Variants in PTPRM observed in about 807,000 individuals in gnomAD.
PTPRM encodes the protein protein tyrosine phosphatase receptor type M.
A neutral mutation model predicts 186.7 loss-of-function variants in PTPRM; 47 were observed. The observed-to-expected ratio is 0.25, with a 90% CI of 0.20 to 0.32. The LOEUF (loss-of-function observed/expected upper bound fraction) is 0.32, where lower values mean the gene tolerates loss of function less well. Among genes scored for constraint, PTPRM ranks in the 10% least tolerant of loss-of-function variants. The pLI, the probability that PTPRM is intolerant of heterozygous loss-of-function variation, is 1.00. For missense variants in PTPRM, 1,494 were observed against 1,865.0 expected, an observed-to-expected ratio of 0.80 and a Z score of 3.66; for synonymous variants, 668 against 674.9, an observed-to-expected ratio of 0.99 and a Z score of 0.16.
intron 6 of PTPRM, among the ~76,000 whole-genome samples, chr18:7,950,962 T>C (rs75032016): frequency 6.6e-6 from 1 of 152,148 alleles, no homozygotes; most frequent in African/African-American, 2.4e-5. Context: ...ACACGTAGCT[T>C]ATGGGGGACA....
chr18:8,084,579 C>G lies in PTPRM; in HGVS notation c.1552-1092C>G, dbSNP rs1196157550. ...AGAGAGGTCTTCCTAATTGTAATGA[C>G]ATGGTATAAATATAAGAAGAAAGAA... On this transcript the variant is annotated intron_variant, in intron 9 of 32. Transcript: ENST00000580170. Among the ~76,000 whole-genome samples, 7 of 152,250 alleles carry G rather than the reference C, an allele frequency of 4.6e-5. No individual in the cohort carries two copies. The East Asian group carries it at 1.2e-3, about 25-fold the overall frequency.
chr18:7,695,332 A>G (rs777203274), intron 1 of PTPRM, among the ~76,000 whole-genome samples: 4 of 152,178 alleles, frequency 2.6e-5, no homozygotes, highest in African/African-American at 9.7e-5. Context: ...CATGAACACA[A>G]TGCAGCGTAT....
chr18:7,846,290 T>C (rs2046592065), intron 2 of PTPRM, among the ~76,000 whole-genome samples: 1 of 152,174 alleles, frequency 6.6e-6, no homozygotes, highest in Admixed American at 6.5e-5. Context: ...CATACAGCAG[T>C]GGTGTTTTTG....
chr18:7,796,183 G>A lies in PTPRM; in HGVS notation c.196+21912G>A, dbSNP rs542002929. ...ATTTAACAGATGTGATTAGTAACAAGCAGATGATGTAAATACACATTAACG... is the reference window on the plus strand; with the variant it reads ...ATTTAACAGATGTGATTAGTAACAAACAGATGATGTAAATACACATTAACG... On this transcript the variant is annotated intron_variant, in intron 2 of 32. Coordinates refer to ENST00000580170, the MANE Select transcript of PTPRM (RefSeq NM_001105244.2). 5.9e-5 allele frequency among the ~76,000 whole-genome samples: 9 copies of A among 151,906 alleles called. No homozygotes were observed. The South Asian group carries it at 1.2e-3, about 21-fold the overall frequency.
intron 13 of PTPRM, among the ~76,000 whole-genome samples, chr18:8,139,310 C>T (rs1354711044): frequency 6.6e-6 from 1 of 152,164 alleles, no homozygotes; most frequent in Non-Finnish European, 1.5e-5. Flanking sequence ...AAACTGATGG[C>T]TGGACTGTCA....
chr18:7,790,946 CA>C (rs2043312859), intron 2 of PTPRM, among the ~76,000 whole-genome samples: 1 of 151,492 alleles, frequency 6.6e-6, no homozygotes, highest in Non-Finnish European at 1.5e-5. Flanking sequence ...ACTCACCAAA[CA>C]TGAATCAATA....
intron 1 of PTPRM, among the ~76,000 whole-genome samples, chr18:7,626,498 C>A (rs1385059879): frequency 6.6e-6 from 1 of 152,082 alleles, no homozygotes; most frequent in African/African-American, 2.4e-5. Context: ...ACCTGAAGAA[C>A]CTGTATGGAG....
At chr18:8,023,831 GACACACACAC>G (rs71354587) in intron 7 of PTPRM, among the ~76,000 whole-genome samples, 13 of 110,280 alleles carry the variant, frequency 1.2e-4, no homozygotes, top group Middle Eastern at 5.4e-3. Context: ...ATTATCAGAA[GACACACACAC>G]ACACACACAC....
chr18:8,034,344 A>G (rs555941322), intron 7 of PTPRM, among the ~76,000 whole-genome samples: 41 of 152,218 alleles, frequency 2.7e-4, no homozygotes, highest in Non-Finnish European at 5.3e-4. Context: ...TCCCATTTAA[A>G]TATCTTCAAC....
intron 7 of PTPRM, among the ~76,000 whole-genome samples, chr18:8,037,729 G>C (rs1232203601): frequency 6.6e-6 from 1 of 151,902 alleles, no homozygotes; most frequent in Non-Finnish European, 1.5e-5. Flanking sequence ...ATTCTGGGGT[G>C]CTCTCTAAAG....
At chr18:7,837,964 G>A (rs146588141) in intron 2 of PTPRM, among the ~76,000 whole-genome samples, 4 of 152,206 alleles carry the variant, frequency 2.6e-5, no homozygotes, top group Middle Eastern at 3.4e-3. Flanking sequence ...AAAGGACTTG[G>A]GTGTTATGGT....
chr18:8,090,459 C>T (rs2090655398), intron 11 of PTPRM, among the ~76,000 whole-genome samples: 1 of 152,188 alleles, frequency 6.6e-6, no homozygotes, highest in Admixed American at 6.5e-5. Context: ...TTTTCAAAAA[C>T]AGCCAGTTAT....
chr18:7,767,267 C>T (rs1010532042), intron 1 of PTPRM, among the ~76,000 whole-genome samples: 4 of 152,132 alleles, frequency 2.6e-5, no homozygotes, highest in Admixed American at 1.3e-4. Context: ...GGATCTAGAA[C>T]CTCCTTTTAG....
chr18:8,005,568 A>T (rs577714703), intron 7 of PTPRM, among the ~76,000 whole-genome samples: 1 of 152,208 alleles, frequency 6.6e-6, no homozygotes, highest in Non-Finnish European at 1.5e-5. Context: ...AAAACTCCTT[A>T]AATTGTATAG....
chr18:8,236,612 G>C (rs2094348434), intron 14 of PTPRM, among the ~76,000 whole-genome samples: 1 of 152,074 alleles, frequency 6.6e-6, no homozygotes, highest in Non-Finnish European at 1.5e-5. Flanking sequence ...TGCAATCTTG[G>C]TTCGCTGCAA....
chr18:7,909,723 C>G (rs917018062), intron 4 of PTPRM, among the ~76,000 whole-genome samples: 4 of 109,560 alleles, frequency 3.7e-5, no homozygotes, highest in Admixed American at 8.6e-5. Context: ...TGTAAAGGCT[C>G]TTGTTTGGAT....
At chr18:7,604,664 C>A (rs1335315041) in intron 1 of PTPRM, among the ~76,000 whole-genome samples, 1 of 152,160 alleles carries the variant, frequency 6.6e-6, no homozygotes, top group Non-Finnish European at 1.5e-5. Context: ...TTTATTTTGA[C>A]ATTACCTTCC....
intron 1 of PTPRM, among the ~76,000 whole-genome samples, chr18:7,712,951 ATAT>A: frequency 6.6e-6 from 1 of 152,284 alleles, no homozygotes; most frequent in Middle Eastern, 3.4e-3. Flanking sequence ...ACACTTAAGG[ATAT>A]TATCCAGGAG....
At chr18:7,935,896 G>A (rs1223153253) in intron 5 of PTPRM, among the ~76,000 whole-genome samples, 1 of 152,184 alleles carries the variant, frequency 6.6e-6, no homozygotes, top group Non-Finnish European at 1.5e-5. Flanking sequence ...TCAGTCTGGA[G>A]GGCAGAAGAG....
Sources: allele counts gnomAD v4.1 joint callset (sites outside exome capture counted in the v4.1 genomes callset), GRCh38; gene constraint gnomAD v4.1.1; transcripts MANE v1.5; gene names NCBI Gene and HGNC (gene_info 2026-07-23, HGNC 2026-07-21).